SPECC1: variants seen among roughly 807,000 people sequenced by gnomAD.
SPECC1 encodes the protein cytospin-B.
Under a neutral mutation model 104.1 loss-of-function variants are expected in SPECC1, and 62 were observed. That is an observed-to-expected ratio of 0.60 (90% CI 0.49 to 0.74). The LOEUF (loss-of-function observed/expected upper bound fraction) is 0.74. Ranked by LOEUF, SPECC1 falls within the 30% of genes least tolerant of loss-of-function variation. SPECC1 has a pLI of 0.00. For synonymous variants in SPECC1, 513 were observed against 501.6 expected (o/e 1.02, Z -0.30); for missense variants, 1,306 against 1,310.5 (o/e 1.00, Z 0.05).
rs938861461 is a variant in SPECC1, at chr17:20,144,100, G to A, written c.283+33538G>A. ...CTCCTGGGACTCCCAGAAATACTGCGGGAACTTTGCAGTTGGGACGATAAG... is the reference window on the plus strand; with the variant it reads ...CTCCTGGGACTCCCAGAAATACTGCAGGAACTTTGCAGTTGGGACGATAAG... On this transcript the variant is annotated intron_variant, in intron 3 of 14. Transcript: ENST00000395527. Among the ~76,000 whole-genome samples the A allele has an allele frequency of 1.1e-4, 16 of 152,188 alleles. No individual in the cohort carries two copies. In the East Asian group the frequency reaches 2.7e-3, roughly 26 times the overall value.
At chr17:20,119,331 C>A (rs1228160163) in intron 3 of SPECC1, among the ~76,000 whole-genome samples, 4 of 152,232 alleles carry the variant, frequency 2.6e-5, no homozygotes, top group African/African-American at 7.2e-5. Flanking sequence ...CTCCTGAGTT[C>A]AAGTGATTCT....
rs2703791 is a variant in SPECC1, at chr17:20,260,216, A to G, written c.2862A>G (p.Ala954=). 0.63 allele frequency: 1,012,981 copies of G among 1,612,810 alleles called. 327,313 individuals carry two copies. The highest frequency in any genetic ancestry group is 0.99 in the East Asian group (44,458 of 44,868). Residue 954 remains alanine, a synonymous_variant, in exon 12 of 15, where the codon GCA becomes GCG. Coordinates refer to ENST00000395527, the MANE Select transcript of SPECC1 (RefSeq NM_001243439.2). ...GTGTGGAAAGAAAAGACCCTCTGGC[A>G]GCCTTGGCCCGGGAATACGGTGGTT... is the stretch of plus-strand genomic sequence containing the variant. The part of the protein sequence containing the change: ...KLSVERKDPL[A]ALAREYGGSK...
intron 1 of SPECC1, among the ~76,000 whole-genome samples, chr17:20,058,726 C>A (rs1400597513): frequency 1.3e-5 from 2 of 151,852 alleles, no homozygotes; most frequent in African/African-American, 4.8e-5. Context: ...CGGTCCCCAA[C>A]CTTTTTGGCA....
chr17:20,144,515 G>A (rs1365316620), intron 3 of SPECC1, among the ~76,000 whole-genome samples: 2 of 151,956 alleles, frequency 1.3e-5, no homozygotes, highest in Non-Finnish European at 1.5e-5. Flanking sequence ...GACCCCATTG[G>A]TACCCCTAGA....
chr17:20,138,521 C>G (rs533087406), intron 3 of SPECC1, among the ~76,000 whole-genome samples: 9 of 152,246 alleles, frequency 5.9e-5, no homozygotes, highest in African/African-American at 2.2e-4. Context: ...GTGCTCTGCC[C>G]GTTCATCCCT....
chr17:20,273,364 A>G (rs918869462), intron 12 of SPECC1, among the ~76,000 whole-genome samples: 7 of 151,896 alleles, frequency 4.6e-5, no homozygotes, highest in African/African-American at 1.5e-4. Context: ...TGTAGTCCCA[A>G]CTGCTTGGGA....
chr17:20,205,347 C>T lies in SPECC1; in HGVS notation c.1298C>T (p.Ala433Val). The change falls in exon 4 of 15, where the codon GCA (alanine) becomes GTA (valine). Residue 433 changes from alanine (A) to valine (V), a missense_variant. Transcript: ENST00000395527. ...ETSFHQHRERAEQLSQENEKL... is the reference protein window; with the variant it reads ...ETSFHQHRERVEQLSQENEKL... ...TCCTTTCATCAGCATCGAGAGAGGG[C>T]AGAGCAGCTAAGTCAAGAAAATGAG... The T allele has an allele frequency of 6.2e-7, 1 of 1,614,062 alleles. No individual in the cohort carries two copies. The highest frequency in any genetic ancestry group is 1.3e-5 in the African/African-American group (1 of 75,010).
chr17:20,043,888 G>A (rs1419725889), intron 1 of SPECC1, among the ~76,000 whole-genome samples: 2 of 152,144 alleles, frequency 1.3e-5, no homozygotes, highest in East Asian at 3.8e-4. Context: ...TTGAAGTTAG[G>A]GAGGTAGAGC....
chr17:20,130,095 C>G (rs546513680), intron 3 of SPECC1, among the ~76,000 whole-genome samples: 78 of 152,078 alleles, frequency 5.1e-4, no homozygotes, highest in Non-Finnish European at 4.4e-5. Flanking sequence ...ATATTTTTCC[C>G]GAAAGTCTTA....
At chr17:20,262,603 C>T (rs926518242) in intron 12 of SPECC1, among the ~76,000 whole-genome samples, 1 of 152,138 alleles carries the variant, frequency 6.6e-6, no homozygotes, top group African/African-American at 2.4e-5. Flanking sequence ...ATTGGCAATT[C>T]CTACTGCATT....
At chr17:20,175,957 A>G (rs1286067000) in intron 3 of SPECC1, among the ~76,000 whole-genome samples, 1 of 152,252 alleles carries the variant, frequency 6.6e-6, no homozygotes, top group Non-Finnish European at 1.5e-5. Flanking sequence ...TTGAGTAGAG[A>G]GTATTTTTTA....
chr17:20,159,221 A>G (rs768575042), intron 3 of SPECC1, among the ~76,000 whole-genome samples: 1 of 152,124 alleles, frequency 6.6e-6, no homozygotes, highest in Non-Finnish European at 1.5e-5. Context: ...CTGGGATCAC[A>G]GGTGTGAGCC....
chr17:20,083,620 A>G (rs1348001076), intron 1 of SPECC1, among the ~76,000 whole-genome samples: 2 of 147,928 alleles, frequency 1.4e-5, no homozygotes, highest in African/African-American at 4.9e-5. Context: ...GTGGGGATGC[A>G]TCAGTTTATG....
intron 1 of SPECC1, among the ~76,000 whole-genome samples, chr17:20,047,015 G>A (rs1350908822): frequency 6.6e-6 from 1 of 152,122 alleles, no homozygotes; most frequent in East Asian, 1.9e-4. Flanking sequence ...CAGGAAAGCC[G>A]GGCGAGAGAT....
At chr17:20,292,982 T>G (rs1054864693) in intron 12 of SPECC1, among the ~76,000 whole-genome samples, 1 of 152,162 alleles carries the variant, frequency 6.6e-6, no homozygotes, top group Admixed American at 6.5e-5. Context: ...CCCACCAGGG[T>G]CATCCTGGAT....
Position 20,096,696 on chromosome 17 carries a change from G to A in SPECC1, c.45G>A (p.Gly15=), listed in dbSNP as rs777604194. ...CCTGGAACCCAGCCATCAGAGCAGG[G>A]GGCCACGGCCCAGACCGGGTGCGGC... The part of the protein sequence containing the change: ...AKPWNPAIRA[G]GHGPDRVRPL... Residue 15 remains glycine (G), a synonymous_variant, in exon 2 of 15, where the codon GGG becomes GGA. Coordinates refer to ENST00000395527, the MANE Select transcript of SPECC1 (RefSeq NM_001243439.2). 3.7e-6 allele frequency: 6 copies of A among 1,614,196 alleles called. No homozygotes were observed. Among genetic ancestry groups the A allele is most frequent in the African/African-American group, 2.7e-5 (2 of 75,062 alleles).
At chr17:20,272,027 G>C (rs1337245935) in intron 12 of SPECC1, among the ~76,000 whole-genome samples, 1 of 152,094 alleles carries the variant, frequency 6.6e-6, no homozygotes, top group Admixed American at 6.6e-5. Flanking sequence ...CTCATAGGAG[G>C]TTCTGGTTGT....
intron 4 of SPECC1, among the ~76,000 whole-genome samples, chr17:20,210,184 C>T (rs1347411161): frequency 6.6e-6 from 1 of 152,126 alleles, no homozygotes; most frequent in African/African-American, 2.4e-5. Flanking sequence ...GAATAGGATG[C>T]CTTAAAGGAC....
chr17:20,197,175 C>T (rs2526487), intron 3 of SPECC1, among the ~76,000 whole-genome samples: 152,060 of 152,348 alleles, frequency 1, 75,888 homozygotes, highest in Middle Eastern at 1. Flanking sequence ...AAAGGGGGTC[C>T]CTGGTGCCTC....
Sources: allele counts gnomAD v4.1 joint callset (sites outside exome capture counted in the v4.1 genomes callset), GRCh38; gene constraint gnomAD v4.1.1; transcripts MANE v1.5; gene names NCBI Gene and HGNC (gene_info 2026-07-23, HGNC 2026-07-21).